The following NACC2 variants were observed in gnomAD, a reference collection of about 807,000 sequenced individuals.
The protein encoded by NACC2 is NACC family member 2.
NACC2 carries 8 observed loss-of-function variants against 25.1 expected under a neutral mutation model. The ratio of observed to expected loss-of-function variants is 0.32; its 90% confidence interval spans 0.19 to 0.57. The LOEUF (loss-of-function observed/expected upper bound fraction) is 0.57, where lower values mean the gene tolerates loss of function less well. NACC2 is among the 20% of genes least tolerant of loss of function. The pLI is 0.89. For synonymous variants in NACC2, 435 were observed against 294.7 expected (o/e 1.48, Z -4.88); for missense variants, 644 against 650.2 (o/e 0.99, Z 0.10).
intron 2 of NACC2, among the ~76,000 whole-genome samples, chr9:136,044,228 G>A (rs917729003): frequency 3.0e-4 from 46 of 152,158 alleles, no homozygotes; most frequent in Non-Finnish European, 6.3e-4. Flanking sequence ...GATGAAAGCA[G>A]ACAGATGGTC....
chr9:136,054,686 T>A (rs1313168030), intron 1 of NACC2, among the ~76,000 whole-genome samples: 1 of 151,162 alleles, frequency 6.6e-6, no homozygotes, highest in Non-Finnish European at 1.5e-5. Context: ...CTGCACATTC[T>A]CCAGTGACTC....
chr9:136,043,128 T>C (rs1375120168), intron 2 of NACC2, among the ~76,000 whole-genome samples: 1 of 152,244 alleles, frequency 6.6e-6, no homozygotes, highest in African/African-American at 2.4e-5. Flanking sequence ...CTTTAATAAA[T>C]TGATCTTCAT....
chr9:136,023,980 C>G (rs544149170), intron 2 of NACC2, among the ~76,000 whole-genome samples: 268 of 152,368 alleles, frequency 1.8e-3, no homozygotes, highest in African/African-American at 6.1e-3. Flanking sequence ...CGTGCACATG[C>G]GTCAGACATG....
intron 1 of NACC2, among the ~76,000 whole-genome samples, chr9:136,094,884 G>A (rs1296015652): frequency 6.6e-6 from 1 of 150,706 alleles, no homozygotes; most frequent in African/African-American, 2.4e-5. Flanking sequence ...GCCCCGGGAC[G>A]CCCGGAGCCG....
rs918114513 is a variant in NACC2, at chr9:136,033,938, T to A, written c.886+15698A>T. The stretch of plus-strand genomic sequence containing the variant: ...GTGTGTGTGTGTGTGTGTGTGTGTG[T>A]GTGAGATATTTGGCAATCTACTTCT... On this transcript the variant is annotated intron_variant, in intron 2 of 5. Transcript: ENST00000277554. 6.9e-3 allele frequency among the ~76,000 whole-genome samples: 913 copies of A among 132,070 alleles called. 4 individuals are homozygous for A. The highest frequency in any genetic ancestry group is 0.011 in the Non-Finnish European group (649 of 58,416). 86.6% of individuals were successfully genotyped at this position (132,070 alleles called of 152,430 possible).
intron 1 of NACC2, among the ~76,000 whole-genome samples, chr9:136,077,545 C>G (rs4841916): frequency 0.78 from 118,696 of 152,218 alleles, 48,344 homozygotes; most frequent in East Asian, 0.99. Flanking sequence ...GGCGTGTGGT[C>G]AGAGTATGGA....
chr9:136,039,610 T>A (rs1295091502), intron 2 of NACC2, among the ~76,000 whole-genome samples: 1 of 152,024 alleles, frequency 6.6e-6, no homozygotes, highest in African/African-American at 2.4e-5. Flanking sequence ...GCAATATATG[T>A]AAACACTGTA....
chr9:136,046,616 G>A (rs1588570026), intron 2 of NACC2, among the ~76,000 whole-genome samples: 2 of 152,220 alleles, frequency 1.3e-5, no homozygotes, highest in Non-Finnish European at 1.5e-5. Context: ...GCTTGAACTC[G>A]GCCCCATCAA....
At chr9:136,088,964 G>A (rs974363724) in intron 1 of NACC2, among the ~76,000 whole-genome samples, 9 of 152,224 alleles carry the variant, frequency 5.9e-5, no homozygotes, top group African/African-American at 2.2e-4. Context: ...TAATGATCTC[G>A]GCATCGCGTG....
At position 136,007,342 on chromosome 9, in the gene NACC2, C is replaced by T. The variant is rs1056402353; in HGVS notation, c.*4174G>A. 5 of 153,148 alleles carry T rather than the reference C, an allele frequency of 3.3e-5. No individual in the cohort carries two copies. Among genetic ancestry groups the T allele is most frequent in the East Asian group, 1.9e-4 (1 of 5,190 alleles). The allele number at this position is 153,148 out of a possible 1,614,324, so 9.5% of individuals were successfully genotyped here. On this transcript the variant is annotated 3_prime_UTR_variant, in exon 6 of 6. Transcript: ENST00000277554. ...AAATGCTCCGGTGGTGACGTGCACG[C>T]GCGTGCACACACACAGACACACGCG...
chr9:136,062,793 T>C (rs1231491652), intron 1 of NACC2, among the ~76,000 whole-genome samples: 1 of 152,174 alleles, frequency 6.6e-6, no homozygotes, highest in South Asian at 2.1e-4. Context: ...GGTGTGTGAC[T>C]GTAGTCCCAG....
At position 136,018,556 on chromosome 9, in the gene NACC2, A is replaced by T. The variant is rs1311104893; in HGVS notation, c.887-2127T>A. Among the ~76,000 whole-genome samples the T allele has an allele frequency of 6.6e-6, 1 of 152,048 alleles. No homozygotes were observed. ...CCCACTGGCCCAGGATGAGCGTGGT[A>T]CGCACTGCACCTGTCAGTCCCAGGA... On this transcript the variant is annotated intron_variant, in intron 2 of 5. Transcript: ENST00000277554. This position sits in a 1 kb window ranked among gnomAD's most constrained non-coding sequence, Gnocchi z 4.4.
chr9:136,074,699 C>G (rs1238243532), intron 1 of NACC2, among the ~76,000 whole-genome samples: 1 of 151,950 alleles, frequency 6.6e-6, no homozygotes, highest in Admixed American at 6.6e-5. Context: ...CCAAGTCACA[C>G]CCTAAACTGC....
chr9:136,010,631 G>A lies in NACC2; in HGVS notation c.*885C>T, dbSNP rs1221072076. ...GTCTGAAAGTTTCCAAACCATATAT[G>A]AAATAGATCTAAATTACAACAAAAC... is the stretch of plus-strand genomic sequence containing the variant. On this transcript the variant is annotated 3_prime_UTR_variant, in exon 6 of 6. Transcript: ENST00000277554. This position sits in a 1 kb window ranked among gnomAD's most constrained non-coding sequence, Gnocchi z 4.9. 1.3e-5 allele frequency: 2 copies of A among 152,186 alleles called. No homozygotes were observed. The highest frequency in any genetic ancestry group is 4.8e-5 in the African/African-American group (2 of 41,442). 9.4% of individuals were successfully genotyped at this position (152,186 alleles called of 1,614,324 possible).
chr9:136,011,349 G>A lies in NACC2; in HGVS notation c.*167C>T. 2.7e-6 allele frequency: 2 copies of A among 753,756 alleles called. No homozygotes were observed. Among genetic ancestry groups the A allele is most frequent in the Non-Finnish European group, 3.7e-6 (2 of 540,298 alleles). 46.7% of individuals were successfully genotyped at this position (753,756 alleles called of 1,614,324 possible). A position where few individuals can be genotyped will look rare whatever the true frequency, so the allele number is the denominator to read the frequency against. On this transcript the variant is annotated 3_prime_UTR_variant, in exon 6 of 6. Coordinates refer to ENST00000277554, the MANE Select transcript of NACC2 (RefSeq NM_144653.5). The stretch of plus-strand genomic sequence containing the variant: ...CCTAATTGTTTACAGTATAATGAAT[G>A]CATTTGTTTCCTTCATCAATTTTAA...
chr9:136,045,371 C>CCCACGGGA (rs1840706819), intron 2 of NACC2, among the ~76,000 whole-genome samples: 1 of 128,346 alleles, frequency 7.8e-6, no homozygotes, highest in Non-Finnish European at 1.8e-5. Context: ...GGCCCACGGG[C>CCCACGGGA]CCTGTGGCCA....
rs548169211 is a variant in NACC2, at chr9:136,081,446, C to T, written c.-60+13743G>A. 2.0e-5 allele frequency among the ~76,000 whole-genome samples: 3 copies of T among 152,374 alleles called. No individual in the cohort carries two copies. In the South Asian group the frequency reaches 6.2e-4, roughly 32 times the overall value. The stretch of plus-strand genomic sequence containing the variant: ...CCCAGCTGGGAACTCAGCACTCGGA[C>T]CTGCTCTCTGAGCGCGGGGTGCCCA... On this transcript the variant is annotated intron_variant, in intron 1 of 5. Coordinates refer to ENST00000277554, the MANE Select transcript of NACC2 (RefSeq NM_144653.5).
At chr9:136,039,337 T>G (rs886515001) in intron 2 of NACC2, among the ~76,000 whole-genome samples, 18 of 152,182 alleles carry the variant, frequency 1.2e-4, no homozygotes, top group African/African-American at 4.3e-4. Flanking sequence ...TACAGTAAAT[T>G]GGTAATTAAA....
chr9:136,027,606 T>C (rs990518950), intron 2 of NACC2, among the ~76,000 whole-genome samples: 1 of 152,096 alleles, frequency 6.6e-6, no homozygotes, highest in Non-Finnish European at 1.5e-5. Context: ...AAGCAGTACA[T>C]TGCTACATAA....
Sources: gnomAD v4.1 joint callset for allele counts (sites outside exome capture counted in the v4.1 genomes callset) on GRCh38, gnomAD v4.1.1 for gene constraint, Gnocchi (gnomAD v3.1) non-coding constraint, MANE v1.5 for transcripts, NCBI Gene and HGNC (gene_info 2026-07-23, HGNC 2026-07-21) for gene names.